Variants in IGF2R observed in about 807,000 individuals in gnomAD.
IGF2R encodes cation-independent mannose-6-phosphate receptor.
In IGF2R, 91 loss-of-function variants were observed where a neutral mutation model predicts 270.6. The observed-to-expected ratio is 0.34, with a 90% CI of 0.28 to 0.40. The LOEUF (loss-of-function observed/expected upper bound fraction) is 0.40, where lower values mean the gene tolerates loss of function less well. Ranked by LOEUF, IGF2R falls within the 10% of genes least tolerant of loss-of-function variation. IGF2R has a pLI of 1.00. For missense variants in IGF2R, 2,805 were observed against 3,188.3 expected, an observed-to-expected ratio of 0.88 and a Z score of 2.90; for synonymous variants, 1,316 against 1,258.9, an observed-to-expected ratio of 1.05 and a Z score of -0.96.
Position 160,061,726 on chromosome 6 carries a change from C to T in IGF2R, c.3407-27C>T, listed in dbSNP as rs1180608028. 2.5e-6 allele frequency: 4 copies of T among 1,613,640 alleles called. No homozygotes were observed. In the Admixed American group the frequency reaches 6.7e-5, roughly 27 times the overall value. ...ACTCAAGGTCATCGCCTTCCTCATG[C>T]CCAAACCACTTATTCTGTTCTTCCA... On this transcript the variant is annotated intron_variant, in intron 24 of 47. Transcript: ENST00000356956.
intron 27 of IGF2R, among the ~76,000 whole-genome samples, chr6:160,063,923 G>T (rs1161435581): frequency 6.6e-6 from 1 of 152,226 alleles, no homozygotes; most frequent in Non-Finnish European, 1.5e-5. Context: ...GAGCTAGCCA[G>T]TGTTGGATGT....
At chr6:160,056,771 C>CGGAA (rs1562360094) in intron 20 of IGF2R, among the ~76,000 whole-genome samples, 1 of 152,196 alleles carries the variant, frequency 6.6e-6, no homozygotes, top group African/African-American at 2.4e-5. Flanking sequence ...CTTTTGTTTC[C>CGGAA]ATTCCTTTGT....
At chr6:159,992,217 T>C (rs1340641770) in intron 2 of IGF2R, among the ~76,000 whole-genome samples, 3 of 152,222 alleles carry the variant, frequency 2.0e-5, no homozygotes, top group Admixed American at 2.0e-4. Context: ...TCATTTTCTT[T>C]TGTGTTTTAA....
rs1375326667 is a variant in IGF2R, at chr6:159,998,728, C to T, written c.289+7405C>T. Among the ~76,000 whole-genome samples the T allele has an allele frequency of 3.3e-5, 5 of 152,258 alleles. No homozygotes were observed. The highest frequency in any genetic ancestry group is 7.2e-5 in the African/African-American group (3 of 41,554). On this transcript the variant is annotated intron_variant, in intron 2 of 47. Transcript: ENST00000356956. The surrounding 1 kb of genome is among the most constrained non-coding windows in gnomAD (Gnocchi z 4.1). ...TATATACTTTCAGGACTCTCAGTAA[C>T]GGCTCCCTTTCTTCAACTGGAGAGA... is the stretch of plus-strand genomic sequence containing the variant.
At chr6:160,062,713 CCATAGCTGGGGTCATGAGACA>C (rs1778468295) in intron 26 of IGF2R, 94 bp downstream of exon 26, 1 of 863,214 alleles carries the variant, frequency 1.2e-6, no homozygotes, top group Non-Finnish European at 1.8e-6. Context: ...GTGATAACAG[CCATAGCTGGGGTCATGAGACA>C]CACGCTAGGG....
intron 29 of IGF2R, among the ~76,000 whole-genome samples, 184 bp from the exon 30 acceptor site, chr6:160,068,065 G>GGGT (rs1554246615): frequency 5.2e-5 from 4 of 77,480 alleles, no homozygotes; most frequent in East Asian, 2.6e-4. Flanking sequence ...TCTGATGGGG[G>GGGT]GTGTGTGTGT....
At chr6:160,051,204 G>T (rs986688685) in intron 19 of IGF2R, among the ~76,000 whole-genome samples, 1 of 152,226 alleles carries the variant, frequency 6.6e-6, no homozygotes, top group Admixed American at 6.5e-5. Flanking sequence ...GATAGGGGAT[G>T]TAGACAGTTC....
At chr6:160,080,828 T>C (rs1481836396) in intron 39 of IGF2R, among the ~76,000 whole-genome samples, 1 of 152,018 alleles carries the variant, frequency 6.6e-6, no homozygotes, top group Non-Finnish European at 1.5e-5. Context: ...GAAAAATTAC[T>C]AATTTTTGGC....
intron 41 of IGF2R, among the ~76,000 whole-genome samples, chr6:160,087,619 T>C (rs1779122542): frequency 6.6e-6 from 1 of 152,240 alleles, no homozygotes; most frequent in Admixed American, 6.5e-5. Flanking sequence ...TATTTTCTTC[T>C]GGCCTTTAAA....
At chr6:160,042,904 G>A (rs435612) in intron 11 of IGF2R, among the ~76,000 whole-genome samples, 9,689 of 152,054 alleles carry the variant, frequency 0.064, 404 homozygotes, top group Non-Finnish European at 0.093. Context: ...CCCCAGTTGG[G>A]CCTACTCTTC....
intron 2 of IGF2R, among the ~76,000 whole-genome samples, chr6:159,999,591 G>C (rs915135706): frequency 6.6e-6 from 1 of 152,158 alleles, no homozygotes; most frequent in African/African-American, 2.4e-5. Context: ...TTTTGATCTT[G>C]TTAGAAAGGA....
In IGF2R at chr6:160,088,114, G is replaced by A. The variant is rs1779135007; in HGVS notation, c.6287G>A (p.Cys2096Tyr). The A allele has an allele frequency of 6.2e-7, 1 of 1,613,132 alleles. No individual in the cohort carries two copies. Among genetic ancestry groups the A allele is most frequent in the Non-Finnish European group, 8.5e-7 (1 of 1,179,180 alleles). ...KTASSVIELT[C>Y]TKTVGRPAFK... ...GCATCCTCCGTGATAGAATTGACCT[G>A]TACAAAGACGGTGGGCAGACCTGCA... is the stretch of plus-strand genomic sequence containing the variant. Residue 2096 changes from cysteine to tyrosine, a missense_variant, in exon 42 of 48, where the codon TGT (cysteine) becomes TAT (tyrosine). Cys to Tyr is a radical substitution (Grantham distance 194). Transcript: ENST00000356956.
At chr6:160,029,047 G>T (rs921451394) in intron 6 of IGF2R, among the ~76,000 whole-genome samples, 2 of 152,126 alleles carry the variant, frequency 1.3e-5, no homozygotes, top group Non-Finnish European at 2.9e-5. Flanking sequence ...GCAGTGGTGT[G>T]ATTTTGGTTC....
intron 1 of IGF2R, among the ~76,000 whole-genome samples, chr6:159,983,323 G>T (rs1224403574): frequency 6.6e-6 from 1 of 152,174 alleles, no homozygotes; most frequent in Non-Finnish European, 1.5e-5. Flanking sequence ...TTACTTGTGT[G>T]CTTCCTTCTA....
chr6:160,105,243 G>A lies in IGF2R; in HGVS notation c.*159G>A. The A allele has an allele frequency of 1.6e-6, 1 of 618,468 alleles. No homozygotes were observed. Among genetic ancestry groups the A allele is most frequent in the Non-Finnish European group, 2.8e-6 (1 of 357,220 alleles). The allele number at this position is 618,468 out of a possible 1,614,324, so 38.3% of individuals were successfully genotyped here. A position where few individuals can be genotyped will look rare whatever the true frequency, so the allele number is the denominator to read the frequency against. Reference sequence around the variant, plus strand: ...TGGGGGAGAGGGTGAAGGAGGTCAGGCCCCACTCCTTCCTGATTGTTTACA... The same window carrying A: ...TGGGGGAGAGGGTGAAGGAGGTCAGACCCCACTCCTTCCTGATTGTTTACA... On this transcript the variant is annotated 3_prime_UTR_variant, in exon 48 of 48. Coordinates refer to ENST00000356956, the MANE Select transcript of IGF2R (RefSeq NM_000876.4).
intron 31 of IGF2R, 36 bp from the exon 32 acceptor site, chr6:160,071,873 CG>C (rs1178859554): frequency 6.2e-7 from 1 of 1,605,948 alleles, no homozygotes; most frequent in African/African-American, 1.3e-5. Flanking sequence ...GGAGTTTTTG[CG>C]TGATCCCTTC....
At chr6:160,069,741 T>G (rs1778673730) in intron 30 of IGF2R, 127 bp from the exon 31 acceptor site, 6 of 753,074 alleles carry the variant, frequency 8.0e-6, no homozygotes, top group Non-Finnish European at 1.3e-5. Flanking sequence ...AAATAGCAGG[T>G]ATTTTGAAGT....
intron 5 of IGF2R, among the ~76,000 whole-genome samples, chr6:160,024,910 T>C (rs372022619): frequency 3.9e-5 from 6 of 152,142 alleles, no homozygotes; most frequent in African/African-American, 1.4e-4. Flanking sequence ...CCAACCCCTG[T>C]AGATTCCATC....
intron 32 of IGF2R, among the ~76,000 whole-genome samples, chr6:160,072,258 C>A (rs964895317): frequency 6.6e-6 from 1 of 152,126 alleles, no homozygotes; most frequent in Non-Finnish European, 1.5e-5. Context: ...ACAGAGAATC[C>A]ATCCCTCCTG....
Sources: gnomAD v4.1 joint callset for allele counts (sites outside exome capture counted in the v4.1 genomes callset) on GRCh38, gnomAD v4.1.1 for gene constraint, Gnocchi (gnomAD v3.1) non-coding constraint, MANE v1.5 for transcripts, NCBI Gene and HGNC (gene_info 2026-07-23, HGNC 2026-07-21) for gene names.